The following GRIN2A variants were observed in gnomAD, a reference collection of about 807,000 sequenced individuals.
GRIN2A encodes glutamate receptor ionotropic, NMDA 2A.
In GRIN2A, 22 loss-of-function variants were observed where a neutral mutation model predicts 113.4. The ratio of observed to expected loss-of-function variants is 0.19; its 90% CI spans 0.14 to 0.28. GRIN2A has a LOEUF of 0.28. Among genes scored for constraint, GRIN2A ranks in the 10% least tolerant of loss-of-function variants. The pLI is 1.00. For missense variants in GRIN2A, 1,502 were observed against 1,887.0 expected (o/e 0.80, Z 3.78); for synonymous variants, 827 against 738.4 (o/e 1.12, Z -1.94).
chr16:9,928,558 C>G (rs74717799), intron 3 of GRIN2A, among the ~76,000 whole-genome samples: 1 of 152,068 alleles, frequency 6.6e-6, no homozygotes, highest in Non-Finnish European at 1.5e-5. Flanking sequence ...CCTCATCTCT[C>G]CAGACCCCAA....
intron 2 of GRIN2A, among the ~76,000 whole-genome samples, chr16:10,097,015 T>C (rs930322883): frequency 2.6e-5 from 4 of 152,190 alleles, no homozygotes; most frequent in Non-Finnish European, 5.9e-5. Flanking sequence ...TTAAATAACA[T>C]CAAGTCACAT....
intron 2 of GRIN2A, among the ~76,000 whole-genome samples, chr16:9,973,234 T>C (rs1466521982): frequency 2.0e-5 from 3 of 152,192 alleles, no homozygotes; most frequent in African/African-American, 7.2e-5. Context: ...TAATTTCTCA[T>C]CCTCTGGCTT....
intron 2 of GRIN2A, among the ~76,000 whole-genome samples, chr16:10,077,782 T>G (rs910408837): frequency 1.1e-4 from 16 of 152,172 alleles, no homozygotes; most frequent in African/African-American, 3.9e-4. Flanking sequence ...CTATTTTCTC[T>G]CCTTGGAATG....
intron 2 of GRIN2A, among the ~76,000 whole-genome samples, chr16:10,106,932 C>G (rs972881396): frequency 6.6e-6 from 1 of 152,118 alleles, no homozygotes; most frequent in Non-Finnish European, 1.5e-5. Flanking sequence ...GCCATTACCT[C>G]CATTTTCAGA....
At chr16:9,961,572 C>A (rs1044205990) in intron 2 of GRIN2A, among the ~76,000 whole-genome samples, 13 of 152,092 alleles carry the variant, frequency 8.5e-5, no homozygotes, top group Admixed American at 2.6e-4. Flanking sequence ...GAGAAGGGAG[C>A]AAATAAGAAC....
intron 11 of GRIN2A, among the ~76,000 whole-genome samples, chr16:9,794,283 T>C (rs148358853): frequency 1.5e-4 from 23 of 152,354 alleles, no homozygotes; most frequent in African/African-American, 5.3e-4. Flanking sequence ...AAAGGTTATA[T>C]TTACACAGCT....
chr16:9,946,341 C>G (rs1351239024), intron 2 of GRIN2A, among the ~76,000 whole-genome samples: 1 of 152,194 alleles, frequency 6.6e-6, no homozygotes, highest in African/African-American at 2.4e-5. Context: ...CCACTAAAGC[C>G]AGAGGGAAAT....
intron 3 of GRIN2A, among the ~76,000 whole-genome samples, chr16:9,907,311 A>G (rs937955576): frequency 6.6e-6 from 1 of 152,264 alleles, no homozygotes; most frequent in Admixed American, 6.5e-5. Context: ...ATAGAAACAC[A>G]GAACAGCTTG....
intron 2 of GRIN2A, among the ~76,000 whole-genome samples, chr16:10,055,402 G>A (rs1372516903): frequency 6.6e-6 from 1 of 152,078 alleles, no homozygotes; most frequent in East Asian, 1.9e-4. Flanking sequence ...GTACTTATCA[G>A]CATGTCTGAA....
At chr16:10,109,031 A>C (rs563354155) in intron 2 of GRIN2A, among the ~76,000 whole-genome samples, 30 of 145,384 alleles carry the variant, frequency 2.1e-4, no homozygotes, top group Middle Eastern at 7.1e-3. Context: ...AAAAAAAAAA[A>C]AAAACAAAAT....
intron 2 of GRIN2A, among the ~76,000 whole-genome samples, chr16:10,133,951 G>C (rs374012633): frequency 3.9e-5 from 6 of 152,288 alleles, no homozygotes; most frequent in African/African-American, 1.4e-4. Context: ...GGGAGGCCAA[G>C]GTGGTTGGAA....
chr16:10,177,567 C>A (rs2050173301), intron 2 of GRIN2A, among the ~76,000 whole-genome samples: 1 of 152,188 alleles, frequency 6.6e-6, no homozygotes, highest in Non-Finnish European at 1.5e-5. Context: ...TTCTTTATTT[C>A]TCTGGAAATG....
chr16:9,979,741 C>T (rs1335689789), intron 2 of GRIN2A, among the ~76,000 whole-genome samples: 1 of 145,382 alleles, frequency 6.9e-6, no homozygotes, highest in East Asian at 2.2e-4. Flanking sequence ...CTAGAAAACG[C>T]TTGGAGGCTA....
chr16:9,965,542 T>C (rs1014320466), intron 2 of GRIN2A, among the ~76,000 whole-genome samples: 4 of 152,216 alleles, frequency 2.6e-5, no homozygotes, highest in African/African-American at 9.6e-5. Context: ...CCGATTTTGA[T>C]TCCACTTAAT....
chr16:9,782,430 T>C (rs1901991313), intron 11 of GRIN2A, among the ~76,000 whole-genome samples: 1 of 152,202 alleles, frequency 6.6e-6, no homozygotes, highest in Admixed American at 6.5e-5. Flanking sequence ...GACAACTGTA[T>C]ATATAATATA....
chr16:10,097,130 C>T (rs573258777), intron 2 of GRIN2A, among the ~76,000 whole-genome samples: 1 of 152,124 alleles, frequency 6.6e-6, no homozygotes, highest in South Asian at 2.1e-4. Context: ...TTTTTAACAG[C>T]GAGATCAGGC....
In GRIN2A at chr16:9,849,830, G is replaced by T. The variant is rs752834021; in HGVS notation, c.1254C>A (p.Ile418=). 6.2e-7 allele frequency: 1 copy of T among 1,613,912 alleles called. No homozygotes were observed. Among genetic ancestry groups the T allele is most frequent in the African/African-American group, 1.3e-5 (1 of 74,910 alleles). The change falls in exon 5 of 13, where the codon ATC becomes ATA. Residue 418 remains isoleucine, a synonymous_variant. Coordinates refer to ENST00000330684, the MANE Select transcript of GRIN2A (RefSeq NM_001134407.3). The part of the protein sequence containing the change: ...IVTLEEAPFV[I]VEDIDPLTET... ...CGGTCAGGGGGTCTATGTCTTCCACGATGACGAATGGGGCCTCCTCCAGGG... is the reference window on the plus strand; with the variant it reads ...CGGTCAGGGGGTCTATGTCTTCCACTATGACGAATGGGGCCTCCTCCAGGG...
rs1400201650 is a variant in GRIN2A at position 9,763,476 on chromosome 16, A to G, written c.4068T>C (p.Ser1356=). ...TATCGGAGGTGTGGTCTGGCAAGAGAGACTTGCTCCTCTTGCTGTCCTCCA... is the reference window on the plus strand; with the variant it reads ...TATCGGAGGTGTGGTCTGGCAAGAGGGACTTGCTCCTCTTGCTGTCCTCCA... ...QGLEDSKRSK[S]LLPDHTSDNP... Residue 1356 remains serine, a synonymous_variant, in exon 13 of 13, where the codon TCT becomes TCC. Transcript: ENST00000330684. The G allele has an allele frequency of 6.2e-7, 1 of 1,613,750 alleles. No homozygotes were observed. The highest frequency in any genetic ancestry group is 1.3e-5 in the African/African-American group (1 of 74,954).
At chr16:9,946,217 T>G (rs1271051793) in intron 2 of GRIN2A, among the ~76,000 whole-genome samples, 1 of 152,176 alleles carries the variant, frequency 6.6e-6, no homozygotes, top group Non-Finnish European at 1.5e-5. Context: ...TACCTGGTGC[T>G]CTGTCAACAT....
Sources: allele counts gnomAD v4.1 joint callset (sites outside exome capture counted in the v4.1 genomes callset), GRCh38; gene constraint gnomAD v4.1.1; transcripts MANE v1.5; gene names NCBI Gene and HGNC (gene_info 2026-07-23, HGNC 2026-07-21).